EPRS1: variants seen among roughly 807,000 people sequenced by gnomAD.
EPRS1 encodes bifunctional glutamate/proline--tRNA ligase.
Under a neutral mutation model 188.3 loss-of-function variants are expected in EPRS1, and 107 were observed. The observed-to-expected ratio is 0.57, with a 90% CI of 0.49 to 0.67. The LOEUF is 0.67. Among genes scored for constraint, EPRS1 ranks in the 30% least tolerant of loss-of-function variants. EPRS1 has a pLI of 0.00. For missense variants in EPRS1, 1,577 were observed against 1,802.2 expected (o/e 0.88, Z 2.26); for synonymous variants, 596 against 593.1 (o/e 1.00, Z -0.07).
intron 7 of EPRS1, 38 bp from the exon 8 acceptor site, chr1:220,024,494 T>G (rs1269003927): frequency 6.7e-7 from 1 of 1,498,650 alleles, no homozygotes; most frequent in East Asian, 2.3e-5. Flanking sequence ...AGTATATCTT[T>G]TGCATTTTTT....
At chr1:219,974,802 C>A (rs985317653) in intron 28 of EPRS1, among the ~76,000 whole-genome samples, 2 of 152,076 alleles carry the variant, frequency 1.3e-5, no homozygotes, top group Admixed American at 6.5e-5. Flanking sequence ...GTGCTAAGTG[C>A]AATGAGATTT....
In EPRS1 at chr1:220,033,515, C is replaced by A; in HGVS notation, c.375G>T (p.Trp125Cys). The change falls in exon 4 of 32, where the codon TGG becomes TGT. Residue 125 changes from tryptophan (W) to cysteine (C), a missense_variant. Transcript: ENST00000366923. ...NSLSLADLCV[W>C]ATLKGNAAWQ... The stretch of plus-strand genomic sequence containing the variant: ...AATTATTGATACCTTTTAGGGTGGC[C>A]CAAACACATAAATCTGCTAAACTCA... 6.2e-7 allele frequency: 1 copy of A among 1,608,882 alleles called. No individual in the cohort carries two copies. The highest frequency in any genetic ancestry group is 8.5e-7 in the Non-Finnish European group (1 of 1,177,658).
intron 1 of EPRS1, among the ~76,000 whole-genome samples, chr1:220,040,743 G>C (rs1408566031): frequency 6.6e-6 from 1 of 151,894 alleles, no homozygotes; most frequent in African/African-American, 2.4e-5. Flanking sequence ...CCAGCTACTC[G>C]GGAGGCTGAG....
At position 219,983,227 on chromosome 1, in the gene EPRS1, C is replaced by G; in HGVS notation, c.3262G>C (p.Glu1088Gln). 3 of 1,614,116 alleles carry G rather than the reference C, an allele frequency of 1.9e-6. No homozygotes were observed. Among genetic ancestry groups the G allele is most frequent in the South Asian group, 1.1e-5 (1 of 91,074 alleles). ...FPMFVSQSAL[E>Q]KEKTHVADFA... ...TCAGCAACATGAGTCTTCTCTTTCTCTAATGCACTTTGAGACACAAACATG... is the reference window on the plus strand; with the variant it reads ...TCAGCAACATGAGTCTTCTCTTTCTGTAATGCACTTTGAGACACAAACATG... Residue 1088 changes from glutamate to glutamine, a missense_variant, in exon 22 of 32, where the codon GAG becomes CAG. Glu to Gln is a conservative substitution (Grantham distance 29, BLOSUM62 2). Coordinates refer to ENST00000366923, the MANE Select transcript of EPRS1 (RefSeq NM_004446.3).
chr1:219,975,793 C>A (rs1355307079), intron 28 of EPRS1, among the ~76,000 whole-genome samples: 1 of 152,000 alleles, frequency 6.6e-6, no homozygotes, highest in African/African-American at 2.4e-5. Flanking sequence ...TGGTTTTCAA[C>A]ATACATAAAT....
At chr1:220,033,878 G>C (rs2102597219) in intron 3 of EPRS1, among the ~76,000 whole-genome samples, 1 of 78,150 alleles carries the variant, frequency 1.3e-5, no homozygotes, top group South Asian at 5.6e-4. Context: ...TATGCTTTCT[G>C]CTTTTTTTTT....
At chr1:220,011,207 C>A in intron 12 of EPRS1, 151 bp from the exon 13 acceptor site, 2 of 505,416 alleles carry the variant, frequency 4.0e-6, no homozygotes, top group Non-Finnish European at 3.5e-6. Context: ...TGATATTTAC[C>A]ATTAAGCAGA....
In EPRS1 at chr1:220,046,369, G is replaced by A; in HGVS notation, c.20C>T (p.Thr7Ile). The change falls in exon 1 of 32, where the codon ACC (threonine) becomes ATC (isoleucine). Residue 7 changes from threonine (T) to isoleucine (I), a missense_variant. Physicochemically the swap from Thr to Ile is moderately conservative, Grantham distance 89 (BLOSUM62 -1). This residue lies in a region of EPRS1 where 1,278 missense variants were observed against 1,457.4 expected (regional missense o/e 0.88). Transcript: ENST00000366923. ...TAGCGGAGGGTCTCCTGAATTCACG[G>A]TCAGAGAGAGCGTCGCCATCTCCAC... MATLSL[T>I]VNSGDPPLGA... is the part of the protein sequence containing the mutation. 1 of 1,614,064 alleles carries A rather than the reference G, an allele frequency of 6.2e-7. No individual in the cohort carries two copies. Among genetic ancestry groups the A allele is most frequent in the Non-Finnish European group, 8.5e-7 (1 of 1,179,984 alleles).
intron 25 of EPRS1, 52 bp from the exon 26 acceptor site, chr1:219,980,292 T>A: frequency 7.1e-7 from 1 of 1,418,150 alleles, no homozygotes; most frequent in Non-Finnish European, 9.8e-7. Context: ...ATTTATTCAT[T>A]AAGATCTATA....
intron 26 of EPRS1, 26 bp downstream of exon 26, chr1:219,980,059 A>T: frequency 6.2e-7 from 1 of 1,607,708 alleles, no homozygotes. Flanking sequence ...ACAGTGACCT[A>T]CGAATCCTGT....
At chr1:219,999,216 C>G (rs947244979) in intron 17 of EPRS1, among the ~76,000 whole-genome samples, 1 of 152,100 alleles carries the variant, frequency 6.6e-6, no homozygotes, top group Admixed American at 6.5e-5. Context: ...CTACACATCA[C>G]AGGGAAAAGC....
At chr1:220,006,337 C>T in intron 14 of EPRS1, 24 bp from the exon 15 acceptor site, 1 of 1,168,722 alleles carries the variant, frequency 8.6e-7, no homozygotes, top group Non-Finnish European at 1.2e-6. Flanking sequence ...TAAAAGTATT[C>T]AAAGAAATAT....
intron 26 of EPRS1, 90 bp from the exon 27 acceptor site, chr1:219,979,705 G>A (rs1338351411): frequency 6.0e-6 from 5 of 833,768 alleles, no homozygotes; most frequent in African/African-American, 1.7e-5. Flanking sequence ...CTTTAAAATG[G>A]CACTACACTT....
At chr1:220,039,120 C>T (rs964344999) in intron 2 of EPRS1, among the ~76,000 whole-genome samples, 3 of 152,158 alleles carry the variant, frequency 2.0e-5, no homozygotes, top group African/African-American at 7.2e-5. Flanking sequence ...GCTTCTAAGG[C>T]CTCTCAGCAT....
At chr1:219,995,632 G>C (rs768667884) in intron 18 of EPRS1, among the ~76,000 whole-genome samples, 112 of 152,192 alleles carry the variant, frequency 7.4e-4, no homozygotes, top group Middle Eastern at 3.2e-3. Context: ...TGCTGCAAAA[G>C]TAACTGTGGT....
chr1:219,994,358 G>C (rs181366033), intron 18 of EPRS1, among the ~76,000 whole-genome samples: 2 of 152,226 alleles, frequency 1.3e-5, no homozygotes, highest in East Asian at 3.9e-4. Context: ...ACAAGGATGG[G>C]CTCTGGCCAC....
At chr1:219,994,637 CTTCTTTTTTTTTTTT>C (rs1172460878) in intron 18 of EPRS1, among the ~76,000 whole-genome samples, 5 of 121,032 alleles carry the variant, frequency 4.1e-5, no homozygotes, top group African/African-American at 6.4e-5. Flanking sequence ...GTGGTAACTT[CTTCTTTTTTTTTTTT>C]TTTTTTTTTT....
At chr1:220,037,527 AG>A (rs1429101180) in intron 2 of EPRS1, among the ~76,000 whole-genome samples, 1 of 149,448 alleles carries the variant, frequency 6.7e-6, no homozygotes, top group Non-Finnish European at 1.5e-5. Flanking sequence ...AAAAAAAAAT[AG>A]AAAGATGGAA....
Position 220,018,464 on chromosome 1 carries a change from C to T in EPRS1, c.1479G>A (p.Trp493Ter). ...SVVNMEWDKI[W>*]AFNKKVIDPV... Reference sequence around the variant, plus strand: ...ACATACATACCTTTTTGTTAAACGCCCAGATTTTGTCCCACTCCATGTTCA... The same window carrying T: ...ACATACATACCTTTTTGTTAAACGCTCAGATTTTGTCCCACTCCATGTTCA... Residue 493 changes from tryptophan to a stop codon, truncating the protein, a stop_gained, in exon 12 of 32, where the codon TGG (tryptophan) becomes TGA (stop). Coordinates refer to ENST00000366923, the MANE Select transcript of EPRS1 (RefSeq NM_004446.3). LOFTEE classifies it high-confidence loss of function. The T allele has an allele frequency of 6.2e-7, 1 of 1,611,746 alleles. No homozygotes were observed.
Sources: allele counts gnomAD v4.1 joint callset (sites outside exome capture counted in the v4.1 genomes callset), GRCh38; gene constraint gnomAD v4.1.1; regional missense constraint gnomAD v4.1.1; transcripts MANE v1.5; gene names NCBI Gene and HGNC (gene_info 2026-07-23, HGNC 2026-07-21).